Variants in ZNF469 observed in about 807,000 individuals in gnomAD.
ZNF469 encodes zinc finger protein 469.
ZNF469 carries 1 observed loss-of-function variant against 1.0 expected under a neutral mutation model. The observed-to-expected ratio is 1.00, with a 90% CI of 0.35 to 4.73. The LOEUF is 4.73. Ranked by LOEUF, ZNF469 falls within the 30% of genes most tolerant of loss-of-function variation. The probability of loss-of-function intolerance (pLI) is 0.16; values close to 1 mark genes in which losing one functional copy is unlikely to be tolerated. For missense variants in ZNF469, 6,100 were observed against 5,356.3 expected, an observed-to-expected ratio of 1.14 and a Z score of -4.33; for synonymous variants, 2,703 against 2,363.4, an observed-to-expected ratio of 1.14 and a Z score of -4.17.
At chr16:88,327,556 G>A in the ZNF469 span, among the ~76,000 whole-genome samples, 1 of 152,106 alleles carries the variant, frequency 6.6e-6, no homozygotes, top group African/African-American at 2.4e-5. Context: ...TTGGGGTTGG[G>A]GGGGGGTCTG....
At chr16:88,123,190 C>T in the ZNF469 span, among the ~76,000 whole-genome samples, 419 of 152,268 alleles carry the variant, frequency 2.8e-3, 4 homozygotes, top group African/African-American at 6.5e-3. Context: ...CTTGTATGCC[C>T]CAACCCGTCT....
At chr16:88,242,479 G>A in the ZNF469 span, among the ~76,000 whole-genome samples, 5 of 152,110 alleles carry the variant, frequency 3.3e-5, no homozygotes, top group African/African-American at 7.2e-5. Context: ...TCTCCTAGAA[G>A]GACACCAGGC....
the ZNF469 span, among the ~76,000 whole-genome samples, chr16:88,357,557 C>T: frequency 3.3e-5 from 5 of 152,302 alleles, no homozygotes; most frequent in South Asian, 1.0e-3. Flanking sequence ...GCCAGCATCT[C>T]AGTACACTGG....
At position 88,431,573 on chromosome 16, in the gene ZNF469, T is replaced by G; in HGVS notation, c.4103T>G (p.Val1368Gly). ...AACAGAGACCCCTTGGGGGTTCCAGTTGCCAAAAAGGGGCCTCAGCCCTAC... is the reference window on the plus strand; with the variant it reads ...AACAGAGACCCCTTGGGGGTTCCAGGTGCCAAAAAGGGGCCTCAGCCCTAC... ...GFNRDPLGVP[V>G]AKKGPQPYSS... The change falls in exon 3 of 3, where the codon GTT becomes GGT. Residue 1368 changes from valine (V) to glycine (G), a missense_variant. Transcript: ENST00000565624. The G allele has an allele frequency of 2.6e-6, 4 of 1,550,434 alleles. No homozygotes were observed. The highest frequency in any genetic ancestry group is 3.5e-6 in the Non-Finnish European group (4 of 1,146,988).
chr16:88,119,588 G>A, the ZNF469 span, among the ~76,000 whole-genome samples: 7 of 152,202 alleles, frequency 4.6e-5, no homozygotes. Flanking sequence ...CACGGGGCCG[G>A]CAGCCTGGAT....
At chr16:88,385,136 T>TG (rs1364188977) in intron 1 of ZNF469, among the ~76,000 whole-genome samples, 1 of 152,184 alleles carries the variant, frequency 6.6e-6, no homozygotes, top group Non-Finnish European at 1.5e-5. Context: ...AGAAATTCAG[T>TG]GGGTTTCTGC....
chr16:88,427,532 G>A lies in ZNF469; in HGVS notation c.62G>A (p.Arg21His), dbSNP rs145178398. ...PPTMTGDLQP[R>H]QVASSPGHPS... ...ACCATGACTGGAGACCTGCAGCCCC[G>A]CCAAGTTGCCAGCAGCCCGGGGCAC... is the stretch of plus-strand genomic sequence containing the variant. The change falls in exon 3 of 3, where the codon CGC becomes CAC. Residue 21 changes from arginine (R) to histidine (H), a missense_variant. By Grantham distance (29) the Arg-to-His change is conservative. Transcript: ENST00000565624. The A allele has an allele frequency of 7.9e-3, 12,085 of 1,535,538 alleles. 62 individuals are homozygous for A. Among genetic ancestry groups the A allele is most frequent in the Non-Finnish European group, 8.8e-3 (10,070 of 1,145,584 alleles).
the ZNF469 span, among the ~76,000 whole-genome samples, chr16:88,188,921 C>T: frequency 2.0e-5 from 3 of 152,000 alleles, no homozygotes; most frequent in Admixed American, 6.5e-5. Flanking sequence ...TGCTTCTGCA[C>T]GTAGGAGGCA....
chr16:88,124,965 C>G, the ZNF469 span, among the ~76,000 whole-genome samples: 1 of 152,242 alleles, frequency 6.6e-6, no homozygotes, highest in Non-Finnish European at 1.5e-5. Context: ...TTGTCTATCT[C>G]AGGGTCATGA....
At chr16:88,259,479 C>G in the ZNF469 span, among the ~76,000 whole-genome samples, 2 of 152,208 alleles carry the variant, frequency 1.3e-5, no homozygotes, top group African/African-American at 4.8e-5. The surrounding 1 kb of genome is among the most constrained non-coding windows in gnomAD (Gnocchi z 4.1). Context: ...TGCTTCTCCT[C>G]CGCTGCAGAA....
At chr16:88,398,502 T>G (rs960595215) in intron 1 of ZNF469, among the ~76,000 whole-genome samples, 2 of 146,912 alleles carry the variant, frequency 1.4e-5, no homozygotes, top group Non-Finnish European at 3.0e-5. Context: ...ATGTGAGCCA[T>G]GGACAAGAGG....
chr16:88,422,547 G>A (rs1261748951), intron 1 of ZNF469, among the ~76,000 whole-genome samples: 1 of 149,766 alleles, frequency 6.7e-6, no homozygotes, highest in Admixed American at 6.6e-5. Flanking sequence ...GCAGGTGGAT[G>A]GGGGGATGGG....
intron 1 of ZNF469, among the ~76,000 whole-genome samples, chr16:88,400,110 C>T (rs554821476): frequency 1.3e-5 from 2 of 152,342 alleles, no homozygotes; most frequent in South Asian, 4.1e-4. Context: ...TCATCAGCAG[C>T]AAATGCCATC....
At chr16:88,185,948 T>C in the ZNF469 span, among the ~76,000 whole-genome samples, 4 of 146,656 alleles carry the variant, frequency 2.7e-5, no homozygotes, top group African/African-American at 7.7e-5. Context: ...ATATAGTACA[T>C]GCACACACAC....
the ZNF469 span, among the ~76,000 whole-genome samples, chr16:88,335,762 G>A: frequency 5.9e-5 from 9 of 152,224 alleles, no homozygotes; most frequent in African/African-American, 1.9e-4. Context: ...CATCCTTCAC[G>A]TGAGACACTA....
the ZNF469 span, among the ~76,000 whole-genome samples, chr16:88,107,323 GC>G: frequency 3.3e-5 from 5 of 152,240 alleles, no homozygotes; most frequent in Admixed American, 1.3e-4. Flanking sequence ...GACAATCATG[GC>G]GGAAGGCGAA....
At chr16:88,342,859 A>G in the ZNF469 span, among the ~76,000 whole-genome samples, 1 of 152,190 alleles carries the variant, frequency 6.6e-6, no homozygotes, top group African/African-American at 2.4e-5. Flanking sequence ...CCTTGTCGGG[A>G]CCCAGTTGCA....
the ZNF469 span, among the ~76,000 whole-genome samples, chr16:88,212,786 G>C: frequency 6.6e-6 from 1 of 152,096 alleles, no homozygotes; most frequent in African/African-American, 2.4e-5. Context: ...GTTTTGCCAT[G>C]TGGCCCAGGC....
At chr16:88,367,550 G>A in the ZNF469 span, among the ~76,000 whole-genome samples, 5 of 152,212 alleles carry the variant, frequency 3.3e-5, no homozygotes, top group Admixed American at 2.0e-4. Flanking sequence ...TTGGAAGGAA[G>A]TGCACGTCCC....
Sources: allele counts gnomAD v4.1 joint callset (sites outside exome capture counted in the v4.1 genomes callset), GRCh38; gene constraint gnomAD v4.1.1; non-coding constraint Gnocchi (gnomAD v3.1); transcripts MANE v1.5; gene names NCBI Gene and HGNC (gene_info 2026-07-23, HGNC 2026-07-21).